Variants in NALCN observed in about 807,000 individuals in gnomAD.
NALCN encodes sodium leak channel NALCN.
In NALCN, 111 loss-of-function variants were observed where a neutral mutation model predicts 225.3. The ratio of observed to expected loss-of-function variants is 0.49; its 90% CI spans 0.42 to 0.58. The LOEUF (loss-of-function observed/expected upper bound fraction) is 0.58. Among genes scored for constraint, NALCN ranks in the 20% least tolerant of loss-of-function variants. NALCN has a pLI of 0.00. For synonymous variants in NALCN, 764 were observed against 769.0 expected (o/e 0.99, Z 0.11); for missense variants, 1,378 against 2,202.4 (o/e 0.63, Z 7.49).
At chr13:101,366,540 G>C (rs899728758) in intron 6 of NALCN, among the ~76,000 whole-genome samples, 1 of 152,048 alleles carries the variant, frequency 6.6e-6, no homozygotes, top group African/African-American at 2.4e-5. Flanking sequence ...GAGAAATGAG[G>C]TCACGGCAGT....
intron 9 of NALCN, among the ~76,000 whole-genome samples, chr13:101,287,795 T>C (rs553641493): frequency 3.6e-4 from 55 of 152,318 alleles, no homozygotes; most frequent in African/African-American, 1.3e-3. Flanking sequence ...GTTTGTAAAG[T>C]AGCTAAAAAT....
At chr13:101,217,317 T>C (rs2040773820) in intron 13 of NALCN, among the ~76,000 whole-genome samples, 1 of 152,208 alleles carries the variant, frequency 6.6e-6, no homozygotes, top group Non-Finnish European at 1.5e-5. Context: ...TTCATCTAAA[T>C]TGTACTCATA....
At chr13:101,312,800 A>G (rs1243185877) in intron 7 of NALCN, among the ~76,000 whole-genome samples, 3 of 152,128 alleles carry the variant, frequency 2.0e-5, no homozygotes, top group South Asian at 2.1e-4. Flanking sequence ...CAAGCTACCA[A>G]TGACTTTCTT....
intron 14 of NALCN, among the ~76,000 whole-genome samples, chr13:101,179,950 CT>C (rs894706047): frequency 6.6e-6 from 1 of 152,110 alleles, no homozygotes; most frequent in African/African-American, 2.4e-5. Context: ...ACACCAGTCA[CT>C]TGGCCTTTAT....
intron 17 of NALCN, among the ~76,000 whole-genome samples, chr13:101,139,299 A>C (rs928021575): frequency 5.3e-5 from 8 of 152,236 alleles, no homozygotes; most frequent in Middle Eastern, 3.4e-3. Context: ...GCAATGCTTC[A>C]TCAAACCCCA....
chr13:101,098,527 G>A (rs2034636468), intron 27 of NALCN, among the ~76,000 whole-genome samples: 1 of 152,154 alleles, frequency 6.6e-6, no homozygotes, highest in African/African-American at 2.4e-5. Flanking sequence ...CATCTGTTGA[G>A]TTTTAAGACA....
At chr13:101,059,747 T>TTTTA in intron 42 of NALCN, 71 bp downstream of exon 42, 1 of 1,415,500 alleles carries the variant, frequency 7.1e-7, no homozygotes, top group Non-Finnish European at 9.8e-7. Context: ...CCAGCACCCA[T>TTTTA]TTTATTTATT....
At chr13:101,157,706 A>T (rs2037972034) in intron 15 of NALCN, among the ~76,000 whole-genome samples, 1 of 151,036 alleles carries the variant, frequency 6.6e-6, no homozygotes, top group Non-Finnish European at 1.5e-5. Flanking sequence ...ACCCCATTAC[A>T]TGACAGTATG....
At chr13:101,109,527 A>G (rs951899154) in intron 20 of NALCN, among the ~76,000 whole-genome samples, 4 of 152,190 alleles carry the variant, frequency 2.6e-5, no homozygotes, top group African/African-American at 9.7e-5. Flanking sequence ...AAAGAGAAAA[A>G]CGAAATAACC....
rs149718402 is a variant in NALCN, at chr13:101,212,832, T to G, written c.1626+16561A>C. 6.6e-5 allele frequency among the ~76,000 whole-genome samples: 10 copies of G among 152,126 alleles called. No individual in the cohort carries two copies. In the East Asian group the frequency reaches 7.7e-4, roughly 12 times the overall value. Reference sequence around the variant, plus strand: ...CTATCCATCTGAAGTCTTATCCATCTGATAGGAAGGATCAATACCATGAAA... The same window carrying G: ...CTATCCATCTGAAGTCTTATCCATCGGATAGGAAGGATCAATACCATGAAA... On this transcript the variant is annotated intron_variant, in intron 13 of 43. Coordinates refer to ENST00000251127, the MANE Select transcript of NALCN (RefSeq NM_052867.4).
intron 14 of NALCN, among the ~76,000 whole-genome samples, chr13:101,183,829 GA>G (rs1337151637): frequency 2.0e-5 from 3 of 152,006 alleles, no homozygotes; most frequent in African/African-American, 7.3e-5. Flanking sequence ...AATTTCAGGG[GA>G]AAAAGGCTAA....
At chr13:101,387,645 G>A (rs950711558) in intron 3 of NALCN, among the ~76,000 whole-genome samples, 12 of 152,170 alleles carry the variant, frequency 7.9e-5, no homozygotes, top group Non-Finnish European at 1.5e-4. Flanking sequence ...GGTAGAAAAA[G>A]TATGAAAAAT....
At chr13:101,331,941 C>G (rs977164489) in intron 7 of NALCN, among the ~76,000 whole-genome samples, 1 of 152,100 alleles carries the variant, frequency 6.6e-6, no homozygotes, top group Admixed American at 6.6e-5. Flanking sequence ...GGGAACTATC[C>G]CCAGTGTTCT....
chr13:101,344,173 G>A (rs996737679), intron 7 of NALCN, among the ~76,000 whole-genome samples: 6 of 152,154 alleles, frequency 3.9e-5, no homozygotes, highest in African/African-American at 1.4e-4. Context: ...AATTCATGAT[G>A]CCTCTGTACT....
chr13:101,274,715 T>C (rs768421158), intron 10 of NALCN, among the ~76,000 whole-genome samples: 1 of 152,224 alleles, frequency 6.6e-6, no homozygotes, highest in Non-Finnish European at 1.5e-5. Context: ...AGTAACTACG[T>C]GGTGTTTCTC....
chr13:101,167,716 T>C (rs1269790759), intron 15 of NALCN, among the ~76,000 whole-genome samples: 1 of 88,982 alleles, frequency 1.1e-5, no homozygotes, highest in Non-Finnish European at 3.2e-5. Flanking sequence ...TGCATGCCTG[T>C]AATCCCAGCT....
intron 18 of NALCN, among the ~76,000 whole-genome samples, chr13:101,118,456 T>C (rs2035820017): frequency 6.6e-6 from 1 of 152,194 alleles, no homozygotes. Context: ...GTTTTAGTTA[T>C]ATTTTGCCAC....
In NALCN at chr13:101,345,151, A is replaced by G. The variant is rs532522060; in HGVS notation, c.799+115T>C. The G allele has an allele frequency of 4.4e-5, 48 of 1,080,232 alleles. No homozygotes were observed. The African/African-American group carries it at 6.9e-4, about 15-fold the overall frequency. The allele number at this position is 1,080,232 out of a possible 1,614,324, so 66.9% of individuals were successfully genotyped here. A position where few individuals can be genotyped will look rare whatever the true frequency, so the allele number is the denominator to read the frequency against. On this transcript the variant is annotated intron_variant, in intron 7 of 43. Coordinates refer to ENST00000251127, the MANE Select transcript of NALCN (RefSeq NM_052867.4). ...GCATAGAATTAAAATTTATATTTGT[A>G]TTTCTTCTATACTACAGCCAGTCAA...
intron 34 of NALCN, among the ~76,000 whole-genome samples, chr13:101,080,535 T>C (rs1483756683): frequency 7.5e-6 from 1 of 134,074 alleles, no homozygotes; most frequent in Non-Finnish European, 1.6e-5. Flanking sequence ...TAGTTATAAG[T>C]ATATAAATAA....
Sources: allele counts gnomAD v4.1 joint callset (sites outside exome capture counted in the v4.1 genomes callset), GRCh38; gene constraint gnomAD v4.1.1; transcripts MANE v1.5; gene names NCBI Gene and HGNC (gene_info 2026-07-23, HGNC 2026-07-21).